The following ATP2B2 variants were observed in gnomAD, a reference collection of about 807,000 sequenced individuals.
ATP2B2 encodes the protein ATPase plasma membrane Ca2+ transporting 2.
In ATP2B2, 15 loss-of-function variants were observed where a neutral mutation model predicts 120.0. The ratio of observed to expected loss-of-function variants is 0.12; its 90% CI spans 0.08 to 0.19. The LOEUF is 0.19. Among genes scored for constraint, ATP2B2 ranks in the 10% least tolerant of loss-of-function variants. The probability of loss-of-function intolerance (pLI) is 1.00; values close to 1 mark genes in which losing one functional copy is unlikely to be tolerated. For missense variants in ATP2B2, 1,045 were observed against 1,719.8 expected, an observed-to-expected ratio of 0.61 and a Z score of 6.94; for synonymous variants, 694 against 700.3, an observed-to-expected ratio of 0.99 and a Z score of 0.14.
intron 1 of ATP2B2, among the ~76,000 whole-genome samples, chr3:10,457,620 G>A (rs1220077268): frequency 1.3e-5 from 2 of 152,110 alleles, no homozygotes; most frequent in Non-Finnish European, 2.9e-5. Flanking sequence ...CTGTCTCTGG[G>A]TGTGCAAGCC....
chr3:10,676,313 AC>A (rs2071242528), intron 1 of ATP2B2, among the ~76,000 whole-genome samples: 1 of 152,082 alleles, frequency 6.6e-6, no homozygotes, highest in South Asian at 2.1e-4. Flanking sequence ...ATTTCTCCTG[AC>A]AGGGATGGGG....
At chr3:10,331,201 T>C (rs1312218798) in intron 22 of ATP2B2, among the ~76,000 whole-genome samples, 1 of 152,182 alleles carries the variant, frequency 6.6e-6, no homozygotes, top group Non-Finnish European at 1.5e-5. Flanking sequence ...CTGAGCTCTT[T>C]CCCCCTGGAG....
At chr3:10,586,352 C>A (rs763115896) in intron 2 of ATP2B2, among the ~76,000 whole-genome samples, 2 of 152,236 alleles carry the variant, frequency 1.3e-5, no homozygotes, top group African/African-American at 2.4e-5. Context: ...AGGCCAGGAG[C>A]TTTCCTTGGG....
chr3:10,538,729 C>T (rs957792098), intron 2 of ATP2B2, among the ~76,000 whole-genome samples: 1 of 152,056 alleles, frequency 6.6e-6, no homozygotes, highest in Non-Finnish European at 1.5e-5. Context: ...CGTATCTCAA[C>T]ATAATAAGAG....
At chr3:10,586,009 A>G in intron 2 of ATP2B2, among the ~76,000 whole-genome samples, 1 of 152,280 alleles carries the variant, frequency 6.6e-6, no homozygotes, top group South Asian at 2.1e-4. Context: ...AGTTTCTGAC[A>G]TACTGACTTT....
chr3:10,420,329 G>A (rs1016087204), intron 2 of ATP2B2, among the ~76,000 whole-genome samples: 3 of 152,052 alleles, frequency 2.0e-5, no homozygotes, highest in African/African-American at 7.2e-5. Flanking sequence ...GACCTTGGGC[G>A]GGTAACTTCC....
Position 10,548,652 on chromosome 3 carries a change from C to G in ATP2B2, c.-414-14519G>C, listed in dbSNP as rs115421555. On this transcript the variant is annotated intron_variant, in intron 2 of 21. Transcript: ENST00000646379. ...TGATAATTAACTTGCTTGATAACAC[C>G]TTGTTCCCTTTCCTGTCTCACTTCC... Among the ~76,000 whole-genome samples, 1,443 of 152,312 alleles carry G rather than the reference C, an allele frequency of 9.5e-3. 22 individuals are homozygous for G. The highest frequency in any genetic ancestry group is 0.032 in the African/African-American group (1,348 of 41,546).
At chr3:10,513,519 G>C (rs1297563645) in intron 3 of ATP2B2, among the ~76,000 whole-genome samples, 2 of 152,146 alleles carry the variant, frequency 1.3e-5, no homozygotes, top group Non-Finnish European at 2.9e-5. Context: ...CCCTCGGTGA[G>C]GGCCCTGCGT....
At chr3:10,576,935 T>A (rs1362541183) in intron 2 of ATP2B2, among the ~76,000 whole-genome samples, 1 of 151,402 alleles carries the variant, frequency 6.6e-6, no homozygotes, top group Admixed American at 6.6e-5. Context: ...GTGCCTGTAG[T>A]CCCAGCTACT....
intron 12 of ATP2B2, among the ~76,000 whole-genome samples, chr3:10,370,455 C>T (rs1183238203): frequency 2.6e-5 from 4 of 152,234 alleles, no homozygotes; most frequent in South Asian, 2.1e-4. Context: ...AAGACAAAAA[C>T]GTCGTCATGT....
At chr3:10,429,419 C>A (rs1388390941) in intron 2 of ATP2B2, among the ~76,000 whole-genome samples, 1 of 152,184 alleles carries the variant, frequency 6.6e-6, no homozygotes, top group Non-Finnish European at 1.5e-5. Flanking sequence ...TTTGTTAATT[C>A]TTGCAGTATT....
At chr3:10,536,405 T>C (rs1006870331) in intron 2 of ATP2B2, among the ~76,000 whole-genome samples, 4 of 151,844 alleles carry the variant, frequency 2.6e-5, no homozygotes, top group African/African-American at 9.7e-5. Context: ...TTTCCTCTTC[T>C]TCTTCTTCTG....
At chr3:10,568,772 C>T (rs1036628693) in intron 2 of ATP2B2, among the ~76,000 whole-genome samples, 1 of 152,158 alleles carries the variant, frequency 6.6e-6, no homozygotes, top group Non-Finnish European at 1.5e-5. Context: ...GACCTATAGC[C>T]GTGTCTTTCT....
chr3:10,388,514 T>C (rs1379547681), intron 5 of ATP2B2, 112 bp from the exon 6 acceptor site: 6 of 1,481,628 alleles, frequency 4.0e-6, no homozygotes, highest in Non-Finnish European at 5.6e-6. Flanking sequence ...GCAGAGGTCA[T>C]GGGGCATCAC....
chr3:10,606,726 T>G (rs2069077579), intron 2 of ATP2B2, among the ~76,000 whole-genome samples: 1 of 152,130 alleles, frequency 6.6e-6, no homozygotes, highest in East Asian at 1.9e-4. Context: ...TGTGTGTGTC[T>G]GTGTGTATGT....
chr3:10,457,395 A>C (rs1421889374), intron 1 of ATP2B2, among the ~76,000 whole-genome samples: 1 of 152,034 alleles, frequency 6.6e-6, no homozygotes, highest in East Asian at 1.9e-4. Context: ...TGTCAGAAGA[A>C]GTGTGCAAAT....
chr3:10,512,464 G>GCGTGCGCA (rs749056818), intron 3 of ATP2B2, among the ~76,000 whole-genome samples: 2 of 136,926 alleles, frequency 1.5e-5, no homozygotes, highest in African/African-American at 5.8e-5. Flanking sequence ...AAGTGTGTGC[G>GCGTGCGCA]CACACACACA....
At position 10,559,271 on chromosome 3, in the gene ATP2B2, G is replaced by C. The variant is rs1265993665; in HGVS notation, c.-414-25138C>G. Among the ~76,000 whole-genome samples, 6 of 152,170 alleles carry C rather than the reference G, an allele frequency of 3.9e-5. No homozygotes were observed. In the East Asian group the frequency reaches 1.2e-3, roughly 29 times the overall value. On this transcript the variant is annotated intron_variant, in intron 2 of 21. Transcript: ENST00000646379. ...GGGAAATGTAGTGGGCGGGGAGGATGGGGAGAGGTTAGTTAATGGATAGGA... is the reference window on the plus strand; with the variant it reads ...GGGAAATGTAGTGGGCGGGGAGGATCGGGAGAGGTTAGTTAATGGATAGGA...
chr3:10,493,834 A>C (rs1575403418), intron 1 of ATP2B2, among the ~76,000 whole-genome samples: 1 of 152,198 alleles, frequency 6.6e-6, no homozygotes, highest in South Asian at 2.1e-4. Flanking sequence ...GAGGGGCAGG[A>C]AGGCCCTCAG....
Sources: allele counts gnomAD v4.1 joint callset (sites outside exome capture counted in the v4.1 genomes callset), GRCh38; gene constraint gnomAD v4.1.1; transcripts MANE v1.5; gene names NCBI Gene and HGNC (gene_info 2026-07-23, HGNC 2026-07-21).